Variants in PTER observed in about 807,000 individuals in gnomAD.
The protein encoded by PTER is phosphotriesterase related, also known as N-acetyltaurine hydrolase.
A neutral mutation model predicts 29.6 loss-of-function variants in PTER; 38 were observed. The ratio of observed to expected loss-of-function variants is 1.28; its 90% CI spans 0.99 to 1.68. PTER has a LOEUF of 1.68. Ranked by LOEUF, PTER falls within the 40% of genes most tolerant of loss-of-function variation. The pLI is 0.00. For synonymous variants in PTER, 172 were observed against 154.5 expected, an observed-to-expected ratio of 1.11 and a Z score of -0.84; for missense variants, 482 against 427.8, an observed-to-expected ratio of 1.13 and a Z score of -1.12.
chr10:16,473,519 GAAAAA>G (rs72001271), intron 1 of PTER, among the ~76,000 whole-genome samples: 1 of 28,168 alleles, frequency 3.6e-5, no homozygotes, highest in Admixed American at 6.5e-4. Flanking sequence ...GACTCCATCC[GAAAAA>G]AAAAAAAAAA....
At chr10:16,494,778 C>G (rs1178779135) in intron 3 of PTER, among the ~76,000 whole-genome samples, 1 of 152,114 alleles carries the variant, frequency 6.6e-6, no homozygotes, top group Non-Finnish European at 1.5e-5. Context: ...CTATTTTTGA[C>G]ATTTAAATTT....
chr10:16,459,802 G>A (rs115686390), intron 1 of PTER, among the ~76,000 whole-genome samples: 5,602 of 152,110 alleles, frequency 0.037, 169 homozygotes, highest in African/African-American at 0.08. Flanking sequence ...AGGCTGGGGT[G>A]CAATGCACCA....
At chr10:16,448,645 T>C (rs1026546526) in intron 1 of PTER, among the ~76,000 whole-genome samples, 3 of 152,174 alleles carry the variant, frequency 2.0e-5, no homozygotes, top group African/African-American at 7.2e-5. Flanking sequence ...AAGTCTGGTG[T>C]GTTTGTTACT....
intron 1 of PTER, among the ~76,000 whole-genome samples, chr10:16,473,519 GAAAAAAAA>G (rs72001271): frequency 1.1e-3 from 31 of 28,156 alleles, no homozygotes; most frequent in Admixed American, 2.0e-3. Context: ...GACTCCATCC[GAAAAAAAA>G]AAAAAAAAAA....
chr10:16,482,181 T>G (rs920285211), intron 1 of PTER, among the ~76,000 whole-genome samples: 1 of 152,200 alleles, frequency 6.6e-6, no homozygotes, highest in Non-Finnish European at 1.5e-5. Flanking sequence ...AATCCATCAT[T>G]TATGCCTTAT....
At chr10:16,445,611 A>C (rs567234620) in intron 1 of PTER, among the ~76,000 whole-genome samples, 4 of 152,238 alleles carry the variant, frequency 2.6e-5, no homozygotes, top group African/African-American at 9.6e-5. Flanking sequence ...CAGTGTCTCC[A>C]AGCTCAGTCT....
rs549853438 is a variant in PTER at position 16,449,766 on chromosome 10, TC to T, written c.-49+12720del. Reference sequence around the variant, plus strand: ...TCACAAGGTATTGGTGAAGGACATATCTTCTGGGCCCTCCCAGCTGGGATGG... The same window carrying T: ...TCACAAGGTATTGGTGAAGGACATATTTCTGGGCCCTCCCAGCTGGGATGG... On this transcript the variant is annotated intron_variant, in intron 1 of 4. Transcript: ENST00000535784. Among the ~76,000 whole-genome samples the T allele has an allele frequency of 2.2e-4, 34 of 152,278 alleles. No homozygotes were observed. The South Asian group carries it at 4.4e-3, about 19-fold the overall frequency.
chr10:16,458,733 G>A (rs991886260), intron 1 of PTER, among the ~76,000 whole-genome samples: 8 of 152,176 alleles, frequency 5.3e-5, no homozygotes, highest in Non-Finnish European at 1.0e-4. Flanking sequence ...TGTGAAAGCT[G>A]TCACTGAAGC....
Position 16,511,067 on chromosome 10 carries a change from G to C in PTER, c.861G>C (p.Glu287Asp), listed in dbSNP as rs190791269. The C allele has an allele frequency of 3.7e-6, 6 of 1,613,486 alleles. No homozygotes were observed. The East Asian group carries it at 6.7e-5, about 18-fold the overall frequency. Reference sequence around the variant, plus strand: ...ACAGGGTGCGTCTCCTGGTGGAAGAGGGCTGTGAAGATCGAATTCTGGTAG... The same window carrying C: ...ACAGGGTGCGTCTCCTGGTGGAAGACGGCTGTGAAGATCGAATTCTGGTAG... ...RIRRVRLLVE[E>D]GCEDRILVAH... The change falls in exon 5 of 5, where the codon GAG (glutamate) becomes GAC (aspartate). Residue 287 changes from glutamate (E) to aspartate (D), a missense_variant. Glu to Asp is a conservative substitution (Grantham distance 45). Coordinates refer to ENST00000535784, the MANE Select transcript of PTER (RefSeq NM_001261836.2).
intron 1 of PTER, among the ~76,000 whole-genome samples, chr10:16,464,314 C>CT: frequency 6.6e-6 from 1 of 152,136 alleles, no homozygotes; most frequent in East Asian, 1.9e-4. Context: ...TTTGATTTAA[C>CT]TTTTTTCCTG....
At chr10:16,469,653 C>T (rs935225124) in intron 1 of PTER, among the ~76,000 whole-genome samples, 1 of 152,286 alleles carries the variant, frequency 6.6e-6, no homozygotes, top group African/African-American at 2.4e-5. Context: ...GAACTTGGCT[C>T]ATAGCCTCGA....
chr10:16,502,351 A>G (rs908364977), intron 3 of PTER, among the ~76,000 whole-genome samples: 1 of 152,206 alleles, frequency 6.6e-6, no homozygotes, highest in African/African-American at 2.4e-5. Flanking sequence ...GGGAAAACAG[A>G]ATATGTTTTC....
intron 3 of PTER, among the ~76,000 whole-genome samples, chr10:16,490,585 G>GT (rs1835863074): frequency 6.6e-6 from 1 of 151,710 alleles, no homozygotes. Context: ...GCAAGTAAGT[G>GT]TTACTTTCCC....
chr10:16,456,862 T>TGGC (rs1554787512), intron 1 of PTER, among the ~76,000 whole-genome samples: 7 of 113,598 alleles, frequency 6.2e-5, no homozygotes, highest in African/African-American at 1.6e-4. Context: ...ATGGGGAAGG[T>TGGC]GGGGGGGGGT....
At chr10:16,459,224 G>T (rs2133388118) in intron 1 of PTER, among the ~76,000 whole-genome samples, 1 of 152,300 alleles carries the variant, frequency 6.6e-6, no homozygotes, top group South Asian at 2.1e-4. Context: ...AGAGATTCCA[G>T]TTGATAAGTT....
intron 1 of PTER, among the ~76,000 whole-genome samples, chr10:16,452,131 C>G: frequency 6.6e-6 from 1 of 150,476 alleles, no homozygotes; most frequent in Non-Finnish European, 1.5e-5. Flanking sequence ...TAAATAACAA[C>G]TTGTTTAAAA....
intron 4 of PTER, among the ~76,000 whole-genome samples, chr10:16,507,427 C>G (rs10904760): frequency 4.0e-5 from 6 of 151,184 alleles, no homozygotes; most frequent in Admixed American, 6.6e-5. Flanking sequence ...AAGTGGTTGC[C>G]GTGGAAGTAG....
At position 16,511,908 on chromosome 10, in the gene PTER, C is replaced by A. The variant is rs1204425061; in HGVS notation, c.*652C>A. The A allele has an allele frequency of 3.3e-5, 5 of 152,626 alleles. No homozygotes were observed. The East Asian group carries it at 9.6e-4, about 29-fold the overall frequency. The allele number at this position is 152,626 out of a possible 1,614,324, so 9.5% of individuals were successfully genotyped here. A position where few individuals can be genotyped will look rare whatever the true frequency, so the allele number is the denominator to read the frequency against. On this transcript the variant is annotated 3_prime_UTR_variant, in exon 5 of 5. Coordinates refer to ENST00000535784, the MANE Select transcript of PTER (RefSeq NM_001261836.2). ...GTATCTATTTTTGCCATACATTTTG[C>A]TGTTTTGCAAAGTTTGTATAAGAAC... is the stretch of plus-strand genomic sequence containing the variant.
intron 3 of PTER, among the ~76,000 whole-genome samples, chr10:16,491,230 C>T (rs2133466204): frequency 6.6e-6 from 1 of 152,252 alleles, no homozygotes; most frequent in Middle Eastern, 3.4e-3. Flanking sequence ...AAAAGACATA[C>T]ATGAAAGTAT....
Sources: gnomAD v4.1 joint callset for allele counts (sites outside exome capture counted in the v4.1 genomes callset) on GRCh38, gnomAD v4.1.1 for gene constraint, MANE v1.5 for transcripts, NCBI Gene and HGNC (gene_info 2026-07-23, HGNC 2026-07-21) for gene names.